ADAMTS12: variants seen among roughly 807,000 people sequenced by gnomAD.
The protein encoded by ADAMTS12 is A disintegrin and metalloproteinase with thrombospondin motifs 12.
ADAMTS12 carries 118 observed loss-of-function variants against 167.8 expected under a neutral mutation model. The ratio of observed to expected loss-of-function variants is 0.70; its 90% CI spans 0.61 to 0.82. The LOEUF (loss-of-function observed/expected upper bound fraction) is 0.82. ADAMTS12 is among the 40% of genes least tolerant of loss of function. The probability of loss-of-function intolerance (pLI) is 0.00; values close to 1 mark genes in which losing one functional copy is unlikely to be tolerated. For synonymous variants in ADAMTS12, 704 were observed against 716.9 expected (o/e 0.98, Z 0.29); for missense variants, 1,916 against 1,998.8 (o/e 0.96, Z 0.79).
intron 2 of ADAMTS12, among the ~76,000 whole-genome samples, chr5:33,829,308 A>G (rs1389075678): frequency 1.3e-5 from 2 of 152,168 alleles, no homozygotes; most frequent in Non-Finnish European, 2.9e-5. Flanking sequence ...CTGCCTTACT[A>G]GCAAAGCTTC....
intron 2 of ADAMTS12, among the ~76,000 whole-genome samples, chr5:33,794,924 C>T (rs1317892236): frequency 2.0e-5 from 3 of 152,162 alleles, no homozygotes; most frequent in Admixed American, 1.3e-4. Flanking sequence ...GGACAGTTCC[C>T]TAATGATGTC....
rs527536943 is a variant in ADAMTS12, at chr5:33,583,693, A to C, written c.2865+4906T>G. ...TTGGATGTAAGCCATTTTAACTGGAATAAAAGTTGTATCTCATTATAGTTT... is the reference window on the plus strand; with the variant it reads ...TTGGATGTAAGCCATTTTAACTGGACTAAAAGTTGTATCTCATTATAGTTT... On this transcript the variant is annotated intron_variant, in intron 18 of 23. Transcript: ENST00000504830. 5.3e-5 allele frequency among the ~76,000 whole-genome samples: 8 copies of C among 152,330 alleles called. No individual in the cohort carries two copies. The East Asian group carries it at 1.5e-3, about 29-fold the overall frequency.
intron 3 of ADAMTS12, among the ~76,000 whole-genome samples, chr5:33,706,288 C>T (rs1282467952): frequency 1.3e-5 from 2 of 152,232 alleles, no homozygotes; most frequent in East Asian, 3.9e-4. Flanking sequence ...CTAATATTGA[C>T]AGTGGGGTGT....
At chr5:33,571,547 A>G (rs1002734069) in intron 19 of ADAMTS12, among the ~76,000 whole-genome samples, 1 of 152,170 alleles carries the variant, frequency 6.6e-6, no homozygotes, top group Non-Finnish European at 1.5e-5. Flanking sequence ...TTTGAAACCA[A>G]CGAGAACAAA....
chr5:33,566,281 G>C lies in ADAMTS12; in HGVS notation c.3973-5102C>G, dbSNP rs1561130060. 2.0e-5 allele frequency among the ~76,000 whole-genome samples: 3 copies of C among 152,150 alleles called. No individual in the cohort carries two copies. The South Asian group carries it at 6.2e-4, about 32-fold the overall frequency. ...GTTCCAGACTAGCCTGGTCAACATA[G>C]CAAGACTCCCATCTCTGCAAAAAAT... On this transcript the variant is annotated intron_variant, in intron 19 of 23. Transcript: ENST00000504830.
intron 5 of ADAMTS12, among the ~76,000 whole-genome samples, chr5:33,672,091 A>T (rs971052868): frequency 1.6e-3 from 22 of 13,342 alleles, no homozygotes; most frequent in African/African-American, 1.8e-3. Context: ...ATACACACAC[A>T]TCCACACTCA....
chr5:33,806,876 C>T (rs1217254310), intron 2 of ADAMTS12, among the ~76,000 whole-genome samples: 1 of 152,090 alleles, frequency 6.6e-6, no homozygotes, highest in Non-Finnish European at 1.5e-5. Flanking sequence ...CCCGTGCAGC[C>T]GCCACACAGT....
Position 33,701,286 on chromosome 5 carries a change from T to G in ADAMTS12, c.635-17231A>C, listed in dbSNP as rs995835590. 5.9e-5 allele frequency among the ~76,000 whole-genome samples: 9 copies of G among 152,242 alleles called. No homozygotes were observed. The East Asian group carries it at 1.7e-3, about 29-fold the overall frequency. ...ACCCTTAGAACTTTACATCTACTTG[T>G]GGTTTCCCTGGTGATGCAGAGCTAC... On this transcript the variant is annotated intron_variant, in intron 3 of 23. Transcript: ENST00000504830.
At chr5:33,597,663 A>T (rs1312142392) in intron 16 of ADAMTS12, among the ~76,000 whole-genome samples, 1 of 143,854 alleles carries the variant, frequency 7.0e-6, no homozygotes, top group Non-Finnish European at 1.5e-5. Context: ...AACAGTAAGT[A>T]AATCCTTTAA....
intron 18 of ADAMTS12, among the ~76,000 whole-genome samples, chr5:33,580,873 A>G (rs929344116): frequency 3.3e-5 from 5 of 152,194 alleles, no homozygotes; most frequent in Non-Finnish European, 7.3e-5. Flanking sequence ...TGATTAATGA[A>G]GACCTGGGGT....
At chr5:33,632,671 C>T (rs1162813173) in intron 12 of ADAMTS12, among the ~76,000 whole-genome samples, 1 of 152,170 alleles carries the variant, frequency 6.6e-6, no homozygotes, top group Non-Finnish European at 1.5e-5. Flanking sequence ...AAGGGAGCAA[C>T]CTGGGAACAA....
In ADAMTS12 at chr5:33,527,217, G is replaced by T. The variant is rs759898655; in HGVS notation, c.4756C>A (p.Arg1586=). 1.9e-6 allele frequency: 3 copies of T among 1,614,000 alleles called. No individual in the cohort carries two copies. The African/African-American group carries it at 4.0e-5, about 22-fold the overall frequency. ...AGTTCTTTTGACTTTTGGAGCAACC[G>T]TTGCCTTCTTTGCCTTTGGGTGTGT... ...ITHTQRQRRQ[R]LLQKSKEL is the part of the protein sequence containing the mutation. The change falls in exon 24 of 24, where the codon CGG becomes AGG. Residue 1586 remains arginine (R), a synonymous_variant. Transcript: ENST00000504830.
chr5:33,787,892 A>G (rs142950399), intron 2 of ADAMTS12, among the ~76,000 whole-genome samples: 1 of 152,340 alleles, frequency 6.6e-6, no homozygotes, highest in African/African-American at 2.4e-5. Context: ...ACATTTACTG[A>G]GCATCTACCA....
chr5:33,642,349 T>C (rs960026713), intron 10 of ADAMTS12, among the ~76,000 whole-genome samples: 1 of 152,216 alleles, frequency 6.6e-6, no homozygotes, highest in African/African-American at 2.4e-5. Flanking sequence ...ATGATCCTTA[T>C]CTTGTTGCAA....
intron 3 of ADAMTS12, among the ~76,000 whole-genome samples, chr5:33,736,046 C>CT (rs1041626056): frequency 1.3e-5 from 2 of 150,120 alleles, no homozygotes; most frequent in South Asian, 2.1e-4. Flanking sequence ...CAACTGTATT[C>CT]TTTTTTTGCT....
intron 2 of ADAMTS12, among the ~76,000 whole-genome samples, chr5:33,768,956 C>A (rs1251198357): frequency 2.0e-5 from 3 of 151,640 alleles, no homozygotes; most frequent in Non-Finnish European, 4.4e-5. Flanking sequence ...AGTTGCTAAT[C>A]AGCTGACCTT....
At chr5:33,750,530 T>C (rs1049677627) in intron 3 of ADAMTS12, among the ~76,000 whole-genome samples, 42 of 152,168 alleles carry the variant, frequency 2.8e-4, no homozygotes, top group African/African-American at 1.0e-3. Flanking sequence ...CCCTTTGAGG[T>C]CCATTGTTTC....
chr5:33,770,133 A>T (rs188974631), intron 2 of ADAMTS12, among the ~76,000 whole-genome samples: 14 of 152,288 alleles, frequency 9.2e-5, no homozygotes, highest in Admixed American at 3.9e-4. Context: ...GGTTTTAAAC[A>T]TGTCTTCATT....
intron 3 of ADAMTS12, among the ~76,000 whole-genome samples, chr5:33,737,846 A>G (rs1034799185): frequency 2.6e-5 from 4 of 152,250 alleles, no homozygotes; most frequent in Non-Finnish European, 5.9e-5. Flanking sequence ...TGCAGTTTTC[A>G]GGAACAGTGA....
Sources: gnomAD v4.1 joint callset for allele counts (sites outside exome capture counted in the v4.1 genomes callset) on GRCh38, gnomAD v4.1.1 for gene constraint, MANE v1.5 for transcripts, NCBI Gene and HGNC (gene_info 2026-07-23, HGNC 2026-07-21) for gene names.